DCAF6: variants seen among roughly 807,000 people sequenced by gnomAD.
DCAF6 encodes DDB1 and CUL4 associated factor 6.
Under a neutral mutation model 125.1 loss-of-function variants are expected in DCAF6, and 54 were observed. The ratio of observed to expected loss-of-function variants is 0.43; its 90% CI spans 0.35 to 0.54. The LOEUF (loss-of-function observed/expected upper bound fraction) is 0.54, where lower values mean the gene tolerates loss of function less well. DCAF6 is among the 20% of genes least tolerant of loss of function. DCAF6 has a pLI of 0.01. For missense variants in DCAF6, 934 were observed against 1,161.7 expected (o/e 0.80, Z 2.85); for synonymous variants, 371 against 390.4 (o/e 0.95, Z 0.58).
chr1:167,898,874 C>T, the DCAF6 span, among the ~76,000 whole-genome samples: 1 of 152,134 alleles, frequency 6.6e-6, no homozygotes, highest in African/African-American at 2.4e-5. Context: ...CAAAGCACAG[C>T]TTTTTTAATT....
At chr1:168,056,526 T>G in intron 17 of DCAF6, 1 of 500,238 alleles carries the variant, frequency 2.0e-6, no homozygotes, top group South Asian at 3.4e-5. Flanking sequence ...AAATTCACAC[T>G]CAATTTATTT....
intron 16 of DCAF6, among the ~76,000 whole-genome samples, chr1:168,048,481 C>T (rs895502019): frequency 2.0e-4 from 31 of 152,028 alleles, no homozygotes; most frequent in African/African-American, 7.0e-4. Flanking sequence ...CAGAACAGTT[C>T]CTTGCAATAC....
At chr1:167,951,297 G>A (rs151291974) in intron 1 of DCAF6, among the ~76,000 whole-genome samples, 5 of 152,122 alleles carry the variant, frequency 3.3e-5, no homozygotes, top group Non-Finnish European at 7.4e-5. Context: ...ACTACAGGCC[G>A]GGCGTGGTGG....
At chr1:167,925,882 T>C in the DCAF6 span, among the ~76,000 whole-genome samples, 9 of 152,334 alleles carry the variant, frequency 5.9e-5, no homozygotes, top group Non-Finnish European at 1.0e-4. Context: ...AATCATAAGT[T>C]GTTTTTATCA....
chr1:167,887,654 C>G, the DCAF6 span, among the ~76,000 whole-genome samples: 1 of 151,638 alleles, frequency 6.6e-6, no homozygotes, highest in African/African-American at 2.4e-5. Context: ...ACGTAACAAA[C>G]CTGCACATTG....
chr1:167,895,224 T>C, the DCAF6 span, among the ~76,000 whole-genome samples: 1 of 150,766 alleles, frequency 6.6e-6, no homozygotes, highest in Non-Finnish European at 1.5e-5. Flanking sequence ...ATTATGGTGC[T>C]CAAAGTAAGG....
intron 10 of DCAF6, among the ~76,000 whole-genome samples, chr1:168,013,184 T>C (rs889869949): frequency 6.6e-6 from 1 of 152,198 alleles, no homozygotes; most frequent in African/African-American, 2.4e-5. Context: ...AGTATGCCAC[T>C]GAGCATCACC....
chr1:168,044,484 TATG>T, intron 14 of DCAF6, 98 bp from the exon 15 acceptor site: 1 of 760,366 alleles, frequency 1.3e-6, no homozygotes, highest in Non-Finnish European at 2.3e-6. Context: ...TGCCATTATA[TATG>T]AGGGACTTGA....
chr1:167,993,217 C>T lies in DCAF6; in HGVS notation c.689-9C>T. On this transcript the variant is annotated splice_polypyrimidine_tract_variant and intron_variant, in intron 6 of 21. Transcript: ENST00000367840. ...ATTAATTTTAAATAACTTCTTGTTT[C>T]TTTTTTAGGGAATTATGCAGGTCGA... 1.3e-6 allele frequency: 2 copies of T among 1,591,208 alleles called. No individual in the cohort carries two copies. Among genetic ancestry groups the T allele is most frequent in the Non-Finnish European group, 1.7e-6 (2 of 1,171,910 alleles).
chr1:167,909,399 G>A, the DCAF6 span, among the ~76,000 whole-genome samples: 3 of 152,150 alleles, frequency 2.0e-5, no homozygotes, highest in African/African-American at 7.2e-5. Flanking sequence ...ATATACACAG[G>A]AGTGGAATTG....
At chr1:167,911,226 A>G in the DCAF6 span, among the ~76,000 whole-genome samples, 1 of 152,258 alleles carries the variant, frequency 6.6e-6, no homozygotes, top group Non-Finnish European at 1.5e-5. Context: ...AGTAAAGTAG[A>G]GGTTCCTCTT....
At chr1:167,997,507 A>ATT (rs151091097) in intron 7 of DCAF6, among the ~76,000 whole-genome samples, 1 of 151,058 alleles carries the variant, frequency 6.6e-6, no homozygotes, top group African/African-American at 2.4e-5. Flanking sequence ...ATTTATGGGG[A>ATT]TTTTTTTTTC....
intron 17 of DCAF6, among the ~76,000 whole-genome samples, chr1:168,062,588 T>G (rs1464894609): frequency 1.3e-5 from 2 of 151,998 alleles, no homozygotes; most frequent in East Asian, 1.9e-4. Context: ...TTTTATATAT[T>G]TGTTAACTGT....
chr1:168,002,685 A>G (rs1682808629), intron 8 of DCAF6, 110 bp downstream of exon 8: 3 of 746,618 alleles, frequency 4.0e-6, no homozygotes, highest in East Asian at 3.0e-5. Context: ...ATTCTTATAC[A>G]TATAGGTATA....
intron 3 of DCAF6, among the ~76,000 whole-genome samples, chr1:167,969,050 G>T (rs1441435246): frequency 1.3e-5 from 2 of 150,606 alleles, no homozygotes; most frequent in Non-Finnish European, 3.0e-5. Flanking sequence ...TTATATGTTG[G>T]TTTTTTTTTA....
the DCAF6 span, among the ~76,000 whole-genome samples, chr1:167,898,283 A>G: frequency 2.0e-5 from 3 of 152,078 alleles, no homozygotes; most frequent in Non-Finnish European, 2.9e-5. Flanking sequence ...TCAAAGTTAA[A>G]ACAATTTTTA....
chr1:168,015,316 CAATA>C (rs138105548), intron 10 of DCAF6, among the ~76,000 whole-genome samples: 1 of 150,526 alleles, frequency 6.6e-6, no homozygotes, highest in African/African-American at 2.5e-5. Flanking sequence ...GAGCTCTTCT[CAATA>C]AATTCTGAGT....
intron 11 of DCAF6, among the ~76,000 whole-genome samples, chr1:168,017,684 C>T (rs1685157924): frequency 6.6e-6 from 1 of 151,970 alleles, no homozygotes; most frequent in South Asian, 2.1e-4. Flanking sequence ...AAAACTTTAT[C>T]TTATACATAA....
chr1:167,954,669 G>A (rs1419214985), intron 2 of DCAF6, among the ~76,000 whole-genome samples: 1 of 151,214 alleles, frequency 6.6e-6, no homozygotes, highest in Admixed American at 6.6e-5. Context: ...AGCCAGGATG[G>A]TCTCGATCTC....
Sources: allele counts gnomAD v4.1 joint callset (sites outside exome capture counted in the v4.1 genomes callset), GRCh38; gene constraint gnomAD v4.1.1; transcripts MANE v1.5; gene names NCBI Gene and HGNC (gene_info 2026-07-23, HGNC 2026-07-21).